The following HERC1 variants were observed in gnomAD, a reference collection of about 807,000 sequenced individuals.
HERC1 encodes the protein probable E3 ubiquitin-protein ligase HERC1.
In HERC1, 160 loss-of-function variants were observed where a neutral mutation model predicts 554.3. The observed-to-expected ratio is 0.29, with a 90% confidence interval of 0.25 to 0.33. HERC1 has a LOEUF of 0.33. HERC1 is among the 10% of genes least tolerant of loss of function. The pLI is 1.00. For missense variants in HERC1, 4,919 were observed against 5,918.5 expected (o/e 0.83, Z 5.54); for synonymous variants, 2,175 against 2,131.7 (o/e 1.02, Z -0.56).
At chr15:63,666,264 C>A in intron 41 of HERC1, 92 bp downstream of exon 41, 1 of 1,382,988 alleles carries the variant, frequency 7.2e-7, no homozygotes, top group Non-Finnish European at 1.0e-6. Flanking sequence ...AAAAATCTTA[C>A]CAAGTTTCAT....
chr15:63,799,719 A>G (rs1343551460), intron 1 of HERC1, among the ~76,000 whole-genome samples: 1 of 152,176 alleles, frequency 6.6e-6, no homozygotes, highest in Non-Finnish European at 1.5e-5. Context: ...AAATGCCAAA[A>G]AATAATGGCA....
At chr15:63,824,859 C>T (rs1178623578) in intron 1 of HERC1, among the ~76,000 whole-genome samples, 1 of 148,958 alleles carries the variant, frequency 6.7e-6, no homozygotes, top group Non-Finnish European at 1.5e-5. Context: ...AAAAAAAACA[C>T]TAAATGATCT....
At chr15:63,800,070 G>T (rs1219517530) in intron 1 of HERC1, among the ~76,000 whole-genome samples, 5 of 152,156 alleles carry the variant, frequency 3.3e-5, no homozygotes, top group Non-Finnish European at 7.3e-5. Context: ...AGGAGGTCAA[G>T]GCTACAGTGA....
chr15:63,636,088 G>A lies in HERC1; in HGVS notation c.12287C>T (p.Ala4096Val). The change falls in exon 65 of 78, where the codon GCC (alanine) becomes GTC (valine). Residue 4096 changes from alanine (A) to valine (V), a missense_variant. Transcript: ENST00000443617. ...AAAGACCTCACCACTTTCAGTTAGGGCCATAGAGTGCCCATCAGAACCACA... is the reference window on the plus strand; with the variant it reads ...AAAGACCTCACCACTTTCAGTTAGGACCATAGAGTGCCCATCAGAACCACA... Reference protein sequence around the residue: ...TSCGSDGHSMALTESGEVFSW... With the variant: ...TSCGSDGHSMVLTESGEVFSW... The A allele has an allele frequency of 6.2e-7, 1 of 1,613,700 alleles. No homozygotes were observed. The highest frequency in any genetic ancestry group is 1.7e-5 in the Admixed American group (1 of 59,978).
At chr15:63,799,877 C>G (rs1390234530) in intron 1 of HERC1, among the ~76,000 whole-genome samples, 2 of 152,060 alleles carry the variant, frequency 1.3e-5, no homozygotes, top group East Asian at 1.9e-4. Context: ...TGGCTACCAT[C>G]CATAATCCCA....
chr15:63,780,769 G>C (rs1217146291), intron 1 of HERC1, among the ~76,000 whole-genome samples: 1 of 151,716 alleles, frequency 6.6e-6, no homozygotes, highest in East Asian at 1.9e-4. Flanking sequence ...GTAAGACCGA[G>C]CACAGCTACT....
chr15:63,615,995 G>A, intron 75 of HERC1, 75 bp from the exon 76 acceptor site: 5 of 1,236,802 alleles, frequency 4.0e-6, no homozygotes, highest in East Asian at 5.2e-5. Flanking sequence ...TACAAATACG[G>A]CACAGCAATA....
chr15:63,802,969 G>A (rs1228604185), intron 1 of HERC1, among the ~76,000 whole-genome samples: 3 of 152,130 alleles, frequency 2.0e-5, no homozygotes, highest in Non-Finnish European at 4.4e-5. Context: ...CAACACTTCG[G>A]GAGGCCAAGG....
chr15:63,680,483 T>G lies in HERC1; in HGVS notation c.6465+54A>C. ...AATACGTGGCACTTGAATAACCGAG[T>G]TGACTATAAATAGAAACAAGAAAAA... On this transcript the variant is annotated intron_variant, in intron 35 of 77. Coordinates refer to ENST00000443617, the MANE Select transcript of HERC1 (RefSeq NM_003922.4). The surrounding 1 kb of genome is among the most constrained non-coding windows in gnomAD (Gnocchi z 5.8). 6.3e-7 allele frequency: 1 copy of G among 1,582,320 alleles called. No individual in the cohort carries two copies. Among genetic ancestry groups the G allele is most frequent in the Middle Eastern group, 1.7e-4 (1 of 5,910 alleles).
chr15:63,749,724 T>C lies in HERC1; in HGVS notation c.1970A>G (p.Lys657Arg). ...GSSEATALRP[K>R]LIEELAATRI... ...TGTGGCAGCCAGTTCTTCAATAAGC[T>C]TGGGTCTCAAAGCAGTAGCTTCTGA... Residue 657 changes from lysine to arginine, a missense_variant, in exon 9 of 78, where the codon AAG (lysine) becomes AGG (arginine). Lys to Arg is a conservative substitution (Grantham distance 26). This residue lies in a region of HERC1 where 744 missense variants were observed against 1,090.0 expected (regional missense o/e 0.68). Transcript: ENST00000443617. The surrounding 1 kb of genome is among the most constrained non-coding windows in gnomAD (Gnocchi z 4.1). 6.3e-7 allele frequency: 1 copy of C among 1,584,198 alleles called. No homozygotes were observed. Among genetic ancestry groups the C allele is most frequent in the Non-Finnish European group, 8.6e-7 (1 of 1,164,368 alleles).
intron 74 of HERC1, among the ~76,000 whole-genome samples, chr15:63,619,763 T>C (rs1452953397): frequency 6.6e-6 from 1 of 152,190 alleles, no homozygotes; most frequent in Admixed American, 6.5e-5. Flanking sequence ...TTCTTCTAGA[T>C]TTTCTAGTTT....
At chr15:63,688,407 A>G (rs1227022238) in intron 33 of HERC1, among the ~76,000 whole-genome samples, 1 of 152,178 alleles carries the variant, frequency 6.6e-6, no homozygotes, top group Non-Finnish European at 1.5e-5. Context: ...TAGACATTTA[A>G]GTGATAAGAC....
intron 12 of HERC1, among the ~76,000 whole-genome samples, chr15:63,744,699 A>T (rs1408042299): frequency 2.0e-5 from 3 of 152,106 alleles, no homozygotes; most frequent in African/African-American, 7.2e-5. Flanking sequence ...AGGGATTCTT[A>T]AGTTAGCTTA....
intron 12 of HERC1, among the ~76,000 whole-genome samples, chr15:63,735,994 T>C (rs1022874675): frequency 6.6e-6 from 1 of 152,054 alleles, no homozygotes; most frequent in Non-Finnish European, 1.5e-5. Flanking sequence ...ACATATTCTG[T>C]TTCCAAAAGC....
rs746316499 is a variant in HERC1, at chr15:63,725,489, G to A, written c.3371C>T (p.Ala1124Val). The A allele has an allele frequency of 6.2e-7, 1 of 1,613,846 alleles. No individual in the cohort carries two copies. Among genetic ancestry groups the A allele is most frequent in the Non-Finnish European group, 8.5e-7 (1 of 1,179,804 alleles). The change falls in exon 18 of 78, where the codon GCT becomes GTT. Residue 1124 changes from alanine (A) to valine (V), a missense_variant. Ala to Val is a moderately conservative substitution (Grantham distance 64, BLOSUM62 0). This residue lies in a region of HERC1 where 1,121 missense variants were observed against 1,244.0 expected (regional missense o/e 0.90). Coordinates refer to ENST00000443617, the MANE Select transcript of HERC1 (RefSeq NM_003922.4). Reference protein sequence around the residue: ...LHGGPELIDPAGLPLPQPAQS... With the variant: ...LHGGPELIDPVGLPLPQPAQS... ...AGCTGGCTGAGGTAATGGCAGACCA[G>A]CAGGATCAATTAGTTCTGGCCCTCC...
chr15:63,807,022 A>G (rs2077160277), intron 1 of HERC1, among the ~76,000 whole-genome samples: 1 of 152,262 alleles, frequency 6.6e-6, no homozygotes, highest in Non-Finnish European at 1.5e-5. Flanking sequence ...CTGGGATTAC[A>G]GGCATGAGCC....
intron 14 of HERC1, 72 bp downstream of exon 14, chr15:63,732,852 T>G: frequency 9.9e-7 from 1 of 1,008,684 alleles, no homozygotes; most frequent in Non-Finnish European, 1.5e-6. Context: ...GGTGTTTAAA[T>G]GTCAAAATAC....
Position 63,636,152 on chromosome 15 carries a change from AAC to A in HERC1, c.12233-12_12233-11del. 6.2e-7 allele frequency: 1 copy of A among 1,610,828 alleles called. No homozygotes were observed. Among genetic ancestry groups the A allele is most frequent in the Non-Finnish European group, 8.5e-7 (1 of 1,178,228 alleles). On this transcript the variant is annotated splice_polypyrimidine_tract_variant and intron_variant, in intron 64 of 77. Transcript: ENST00000443617. The stretch of plus-strand genomic sequence containing the variant: ...TGGGTCACCACAAAGCCTGGAACAG[AAC>A]AGAAACCCAACAGGAGTCACTGGAT...
chr15:63,806,343 T>C (rs1226354481), intron 1 of HERC1, among the ~76,000 whole-genome samples: 1 of 152,138 alleles, frequency 6.6e-6, no homozygotes, highest in Non-Finnish European at 1.5e-5. Flanking sequence ...TTCAAAGGCC[T>C]ATCTCAAAGG....
Sources: allele counts gnomAD v4.1 joint callset (sites outside exome capture counted in the v4.1 genomes callset), GRCh38; gene constraint gnomAD v4.1.1; regional missense constraint gnomAD v4.1.1; non-coding constraint Gnocchi (gnomAD v3.1); transcripts MANE v1.5; gene names NCBI Gene and HGNC (gene_info 2026-07-23, HGNC 2026-07-21).